Variants in MYO16 observed in about 807,000 individuals in gnomAD.
MYO16 encodes myosin XVI.
A neutral mutation model predicts 205.3 loss-of-function variants in MYO16; 94 were observed. The observed-to-expected ratio is 0.46, with a 90% CI of 0.39 to 0.54. The LOEUF (loss-of-function observed/expected upper bound fraction) is 0.54, where lower values mean the gene tolerates loss of function less well. MYO16 is among the 20% of genes least tolerant of loss of function. The pLI is 0.00. For synonymous variants in MYO16, 988 were observed against 954.0 expected (o/e 1.04, Z -0.66); for missense variants, 2,315 against 2,387.5 (o/e 0.97, Z 0.63).
Position 108,992,380 on chromosome 13 carries a change from C to A in MYO16, c.2374C>A (p.Gln792Lys). Residue 792 changes from glutamine to lysine, a missense_variant, in exon 21 of 35, where the codon CAG (glutamine) becomes AAG (lysine). Physicochemically the swap from Gln to Lys is moderately conservative, Grantham distance 53. Coordinates refer to ENST00000457511, the MANE Select transcript of MYO16 (RefSeq NM_001198950.3). ...LHSQDEQKSM[Q>K]TLDIGILDIF... The stretch of plus-strand genomic sequence containing the variant: ...TGGTGTATTGTTTTGTTTCAGCATG[C>A]AGACATTGGATATTGGAATATTGGA... 1 of 1,607,502 alleles carries A rather than the reference C, an allele frequency of 6.2e-7. No homozygotes were observed. Among genetic ancestry groups the A allele is most frequent in the Non-Finnish European group, 8.5e-7 (1 of 1,175,470 alleles).
At chr13:109,027,449 CTG>C (rs1886400651) in intron 23 of MYO16, among the ~76,000 whole-genome samples, 1 of 152,188 alleles carries the variant, frequency 6.6e-6, no homozygotes, top group South Asian at 2.1e-4. Flanking sequence ...CCCAAGTTCA[CTG>C]TGCTTTTCTC....
At chr13:108,939,379 C>T (rs1228193555) in intron 16 of MYO16, among the ~76,000 whole-genome samples, 1 of 152,200 alleles carries the variant, frequency 6.6e-6, no homozygotes, top group Non-Finnish European at 1.5e-5. Flanking sequence ...TTCTGCCTCT[C>T]TCATGCACTG....
upstream of MYO16, among the ~76,000 whole-genome samples, chr13:108,594,675 A>G (rs1878493084): frequency 6.6e-6 from 1 of 152,214 alleles, no homozygotes; most frequent in South Asian, 2.1e-4. Context: ...TGGAAGCACT[A>G]TGCAGGGACA....
chr13:108,920,746 A>C (rs1881713716), intron 16 of MYO16, among the ~76,000 whole-genome samples: 1 of 152,234 alleles, frequency 6.6e-6, no homozygotes, highest in African/African-American at 2.4e-5. Context: ...GGCGTGAGCC[A>C]CTATGCCCAG....
At chr13:108,713,139 G>C (rs1322472437) in intron 3 of MYO16, among the ~76,000 whole-genome samples, 3 of 151,744 alleles carry the variant, frequency 2.0e-5, no homozygotes, top group East Asian at 1.9e-4. Context: ...ACAAAGTAGG[G>C]GGTAAGTGAA....
At chr13:108,992,324 A>G in intron 20 of MYO16, 52 bp from the exon 21 acceptor site, 1 of 1,315,510 alleles carries the variant, frequency 7.6e-7, no homozygotes, top group Non-Finnish European at 1.1e-6. Flanking sequence ...AAAGAGGGTC[A>G]TGAAGGAGTT....
intron 23 of MYO16, among the ~76,000 whole-genome samples, chr13:109,040,744 C>A (rs1157504895): frequency 6.6e-6 from 1 of 152,120 alleles, no homozygotes; most frequent in Non-Finnish European, 1.5e-5. Flanking sequence ...CTACAAAAAT[C>A]CTACAGCCAA....
chr13:109,043,383 G>A (rs915225576), intron 23 of MYO16, among the ~76,000 whole-genome samples: 1 of 152,062 alleles, frequency 6.6e-6, no homozygotes, highest in African/African-American at 2.4e-5. Flanking sequence ...AACTCTGATG[G>A]TCCAGTTGTG....
chr13:108,594,385 C>T (rs1021666843), upstream of MYO16, among the ~76,000 whole-genome samples: 2 of 151,866 alleles, frequency 1.3e-5, no homozygotes, highest in African/African-American at 4.8e-5. Flanking sequence ...CTCAGGTGTC[C>T]CTGCAGGTCG....
intron 27 of MYO16, among the ~76,000 whole-genome samples, chr13:109,081,232 TAAG>T (rs1020107653): frequency 8.5e-5 from 13 of 152,168 alleles, no homozygotes; most frequent in African/African-American, 3.1e-4. Flanking sequence ...TATTTAAAAT[TAAG>T]AAGTCATCTC....
chr13:108,942,781 T>G (rs2139319054), intron 16 of MYO16, among the ~76,000 whole-genome samples: 1 of 152,314 alleles, frequency 6.6e-6, no homozygotes, highest in Non-Finnish European at 1.5e-5. Context: ...GAGGACTTAC[T>G]ATCTTAAATC....
In MYO16 at chr13:109,140,742, C is replaced by A; in HGVS notation, c.4530C>A (p.His1510Gln). 1 of 1,525,280 alleles carries A rather than the reference C, an allele frequency of 6.6e-7. No homozygotes were observed. 94.5% of individuals were successfully genotyped at this position (1,525,280 alleles called of 1,614,324 possible). The change falls in exon 32 of 35, where the codon CAC (histidine) becomes CAA (glutamine). Residue 1510 changes from histidine (H) to glutamine (Q), a missense_variant. This residue lies in a region of MYO16 where 1,097 missense variants were observed against 1,092.0 expected (regional missense o/e 1.00). Transcript: ENST00000457511. This position sits in a 1 kb window ranked among gnomAD's most constrained non-coding sequence, Gnocchi z 8.0. ...IPPPFPNLLP[H>Q]RPPLLVFPPT... ...CGCCCTTCCCCAACCTGCTGCCGCA[C>A]CGGCCGCCCCTGCTGGTGTTCCCCC...
At chr13:108,818,144 G>A (rs546869817) in intron 7 of MYO16, among the ~76,000 whole-genome samples, 1 of 152,186 alleles carries the variant, frequency 6.6e-6, no homozygotes, top group East Asian at 1.9e-4. Context: ...AGCAATTTGG[G>A]AGACCAAGTC....
chr13:108,999,039 A>C (rs994631563), intron 21 of MYO16, among the ~76,000 whole-genome samples: 1 of 152,096 alleles, frequency 6.6e-6, no homozygotes, highest in Non-Finnish European at 1.5e-5. Context: ...AATTGAGTCT[A>C]CCTCTTGATG....
At position 109,140,965 on chromosome 13, in the gene MYO16, G is replaced by A. The variant is rs767345357; in HGVS notation, c.4753G>A (p.Gly1585Arg). 4.8e-6 allele frequency: 7 copies of A among 1,466,534 alleles called. No individual in the cohort carries two copies. In the Admixed American group the frequency reaches 9.4e-5, roughly 20 times the overall value. 90.8% of individuals were successfully genotyped at this position (1,466,534 alleles called of 1,614,324 possible). A position where few individuals can be genotyped will look rare whatever the true frequency, so the allele number is the denominator to read the frequency against. The change falls in exon 32 of 35, where the codon GGG becomes AGG. Residue 1585 changes from glycine (G) to arginine (R), a missense_variant. This residue lies in a region of MYO16 where 1,097 missense variants were observed against 1,092.0 expected (regional missense o/e 1.00). Transcript: ENST00000457511. This position sits in a 1 kb window ranked among gnomAD's most constrained non-coding sequence, Gnocchi z 8.0. ...GTCCCCCGGCCTGGCGCTGTTCAAC[G>A]GGTCCGGCCGAGCCTCCCCGCCGTC... is the stretch of plus-strand genomic sequence containing the variant. ...PASPGLALFN[G>R]SGRASPPSTP... is the part of the protein sequence containing the mutation.
chr13:108,607,633 T>TA (rs1313068292), intron 1 of MYO16, among the ~76,000 whole-genome samples: 1 of 152,158 alleles, frequency 6.6e-6, no homozygotes, highest in Non-Finnish European at 1.5e-5. Flanking sequence ...TATGTCTTCA[T>TA]AGCAGCAGGA....
intron 16 of MYO16, among the ~76,000 whole-genome samples, chr13:108,957,071 CT>C (rs67195043): frequency 0.026 from 3,917 of 152,140 alleles, 137 homozygotes; most frequent in African/African-American, 0.085. Context: ...ATGATAGAAC[CT>C]GTTGAATTTT....
At chr13:108,591,170 C>A (rs890934584), upstream of MYO16, among the ~76,000 whole-genome samples, 8 of 152,042 alleles carry the variant, frequency 5.3e-5, no homozygotes, top group African/African-American at 1.9e-4. Flanking sequence ...TACCTGCATT[C>A]GAAAAAGATC....
intron 24 of MYO16, among the ~76,000 whole-genome samples, chr13:109,051,990 C>T (rs1047535514): frequency 2.6e-5 from 4 of 152,072 alleles, no homozygotes; most frequent in African/African-American, 9.6e-5. Flanking sequence ...GCACAAAAGC[C>T]CCTTAGGTCT....
Sources: allele counts gnomAD v4.1 joint callset (sites outside exome capture counted in the v4.1 genomes callset), GRCh38; gene constraint gnomAD v4.1.1; regional missense constraint gnomAD v4.1.1; non-coding constraint Gnocchi (gnomAD v3.1); transcripts MANE v1.5; gene names NCBI Gene and HGNC (gene_info 2026-07-23, HGNC 2026-07-21).